The following STAG1 variants were observed in gnomAD, a reference collection of about 807,000 sequenced individuals.
STAG1 encodes cohesin subunit SA-1.
STAG1 carries 26 observed loss-of-function variants against 170.9 expected under a neutral mutation model. That is an observed-to-expected ratio of 0.15 (90% CI 0.11 to 0.21). The LOEUF is 0.21. STAG1 is among the 10% of genes least tolerant of loss of function. The probability of loss-of-function intolerance (pLI) is 1.00; values close to 1 mark genes in which losing one functional copy is unlikely to be tolerated. For synonymous variants in STAG1, 514 were observed against 497.7 expected (o/e 1.03, Z -0.44); for missense variants, 964 against 1,509.5 (o/e 0.64, Z 5.99).
At chr3:136,499,309 C>T (rs527942369) in intron 9 of STAG1, among the ~76,000 whole-genome samples, 1 of 152,052 alleles carries the variant, frequency 6.6e-6, no homozygotes, top group Admixed American at 6.6e-5. Flanking sequence ...CTCAGCCTCC[C>T]GAGTAGCTGG....
chr3:136,697,908 T>C (rs548934776), intron 1 of STAG1, among the ~76,000 whole-genome samples: 1 of 152,146 alleles, frequency 6.6e-6, no homozygotes, highest in Non-Finnish European at 1.5e-5. Flanking sequence ...AATGTTTCAA[T>C]AAATAAACAT....
rs559168964 is a variant in STAG1 at position 136,511,942 on chromosome 3, G to T, written c.677-9163C>A. Among the ~76,000 whole-genome samples, 9 of 151,556 alleles carry T rather than the reference G, an allele frequency of 5.9e-5. No individual in the cohort carries two copies. The South Asian group carries it at 1.7e-3, about 28-fold the overall frequency. ...ATCACAGAAAGGGTAGAAAAAGCAT[G>T]ATAACCATATCTCTAAGAAAAACAA... is the stretch of plus-strand genomic sequence containing the variant. On this transcript the variant is annotated intron_variant, in intron 7 of 33. Transcript: ENST00000383202.
chr3:136,404,190 A>G (rs1174137704), intron 21 of STAG1, among the ~76,000 whole-genome samples: 1 of 152,218 alleles, frequency 6.6e-6, no homozygotes, highest in Non-Finnish European at 1.5e-5. Flanking sequence ...CACTGTTGCA[A>G]CCTTGAGTAC....
At chr3:136,649,482 A>G (rs1941140738) in intron 1 of STAG1, among the ~76,000 whole-genome samples, 1 of 149,866 alleles carries the variant, frequency 6.7e-6, no homozygotes, top group Admixed American at 6.6e-5. Context: ...CCATCTCAAA[A>G]AACAAAAACA....
intron 4 of STAG1, among the ~76,000 whole-genome samples, chr3:136,569,282 A>G (rs1937183394): frequency 6.6e-6 from 1 of 152,052 alleles, no homozygotes; most frequent in African/African-American, 2.4e-5. Context: ...TTTTTTCAAG[A>G]GTACAAGAAT....
intron 4 of STAG1, among the ~76,000 whole-genome samples, chr3:136,583,267 C>A (rs1262723606): frequency 6.6e-6 from 1 of 152,068 alleles, no homozygotes; most frequent in Non-Finnish European, 1.5e-5. Flanking sequence ...CCTTCTCATT[C>A]TAACTTTTTT....
chr3:136,590,161 C>G lies in STAG1; in HGVS notation c.297+14148G>C, dbSNP rs950467627. Among the ~76,000 whole-genome samples the G allele has an allele frequency of 2.0e-5, 3 of 150,476 alleles. No individual in the cohort carries two copies. In the East Asian group the frequency reaches 6.0e-4, roughly 30 times the overall value. Reference sequence around the variant, plus strand: ...TAAAAATACATGTATCTCTGAGAAACAGAAGACAATTCAAACACTTCATGA... The same window carrying G: ...TAAAAATACATGTATCTCTGAGAAAGAGAAGACAATTCAAACACTTCATGA... On this transcript the variant is annotated intron_variant, in intron 4 of 33. Coordinates refer to ENST00000383202, the MANE Select transcript of STAG1 (RefSeq NM_005862.3).
Position 136,398,753 on chromosome 3 carries a change from G to A in STAG1, c.2273C>T (p.Ser758Phe). 6.3e-7 allele frequency: 1 copy of A among 1,596,696 alleles called. No homozygotes were observed. Among genetic ancestry groups the A allele is most frequent in the Non-Finnish European group, 8.5e-7 (1 of 1,170,166 alleles). Residue 758 changes from serine to phenylalanine, a missense_variant, in exon 22 of 34, where the codon TCC becomes TTC. Physicochemically the swap from Ser to Phe is radical, Grantham distance 155. Around this residue, in one of 11 missense-constraint regions of STAG1, gnomAD observed 232 missense variants for 313.0 expected, o/e 0.74. Coordinates refer to ENST00000383202, the MANE Select transcript of STAG1 (RefSeq NM_005862.3). ...CCTACAGAAACTCTTACTTACTTTG[G>A]AAGGAGAGCCATCAGTAATTTTCAC... ...QLVKITDGSP[S>F]KEDLLVLRKT...
At chr3:136,398,369 C>T (rs562785143) in intron 22 of STAG1, among the ~76,000 whole-genome samples, 1 of 152,260 alleles carries the variant, frequency 6.6e-6, no homozygotes, top group African/African-American at 2.4e-5. Flanking sequence ...CTGCCTACCT[C>T]GGCCTCCCAA....
chr3:136,382,561 C>G (rs919949859), intron 22 of STAG1, among the ~76,000 whole-genome samples: 1 of 151,978 alleles, frequency 6.6e-6, no homozygotes, highest in South Asian at 2.1e-4. Flanking sequence ...CACTGCCACG[C>G]CCAGCTACTA....
At chr3:136,402,812 G>A (rs1023068553) in intron 21 of STAG1, among the ~76,000 whole-genome samples, 1 of 151,912 alleles carries the variant, frequency 6.6e-6, no homozygotes, top group Non-Finnish European at 1.5e-5. Flanking sequence ...GGGTGACAGT[G>A]AGACTCTGTC....
intron 23 of STAG1, among the ~76,000 whole-genome samples, chr3:136,375,790 G>A (rs1937565366): frequency 6.6e-6 from 1 of 151,314 alleles, no homozygotes; most frequent in Non-Finnish European, 1.5e-5. Context: ...CCAACACAGT[G>A]AAACCCATAT....
At chr3:136,724,173 C>T (rs1357740168) in intron 1 of STAG1, among the ~76,000 whole-genome samples, 3 of 150,284 alleles carry the variant, frequency 2.0e-5, no homozygotes, top group African/African-American at 5.0e-5. Context: ...GGGAGAAAGG[C>T]GGGGAAAGGA....
At chr3:136,354,754 C>CAAAAAAAAAAAAAAAAAAAAA in intron 28 of STAG1, among the ~76,000 whole-genome samples, 10 of 6,510 alleles carry the variant, frequency 1.5e-3, no homozygotes, top group African/African-American at 5.1e-3. Context: ...GAGAAAGAAC[C>CAAAAAAAAAAAAAAAAAAAAA]AAAAAAAAAA....
chr3:136,517,359 T>C (rs1559853105), intron 7 of STAG1, among the ~76,000 whole-genome samples: 1 of 152,206 alleles, frequency 6.6e-6, no homozygotes, highest in East Asian at 1.9e-4. Flanking sequence ...CCAGCATTAA[T>C]ATATTTATAA....
chr3:136,478,363 T>C (rs1396213467), intron 9 of STAG1, among the ~76,000 whole-genome samples: 3 of 152,178 alleles, frequency 2.0e-5, no homozygotes, highest in African/African-American at 7.2e-5. Context: ...ATGACTTTCC[T>C]ACTATACAAT....
chr3:136,698,794 T>C (rs1279238130), intron 1 of STAG1, among the ~76,000 whole-genome samples: 1 of 152,078 alleles, frequency 6.6e-6, no homozygotes, highest in Non-Finnish European at 1.5e-5. Context: ...ATTGCAAAGA[T>C]ATGAATCCAA....
intron 5 of STAG1, among the ~76,000 whole-genome samples, chr3:136,559,946 T>C (rs1310681501): frequency 2.0e-5 from 3 of 152,254 alleles, no homozygotes; most frequent in Non-Finnish European, 4.4e-5. Flanking sequence ...TGTCATTTTC[T>C]AAATGGCTAC....
chr3:136,668,506 A>T (rs4678270), intron 1 of STAG1, among the ~76,000 whole-genome samples: 5 of 151,068 alleles, frequency 3.3e-5, no homozygotes, highest in African/African-American at 1.2e-4. Context: ...TTTAAGAAAC[A>T]TTTTGTGAGA....
Sources: allele counts gnomAD v4.1 joint callset (sites outside exome capture counted in the v4.1 genomes callset), GRCh38; gene constraint gnomAD v4.1.1; regional missense constraint gnomAD v4.1.1; transcripts MANE v1.5; gene names NCBI Gene and HGNC (gene_info 2026-07-23, HGNC 2026-07-21).